The following HSPG2 variants were observed in gnomAD, a reference collection of about 807,000 sequenced individuals.
HSPG2 encodes the protein basement membrane-specific heparan sulfate proteoglycan core protein.
Under a neutral mutation model 526.6 loss-of-function variants are expected in HSPG2, and 278 were observed. That is an observed-to-expected ratio of 0.53 (90% confidence interval 0.48 to 0.58). HSPG2 has a LOEUF of 0.58. Among genes scored for constraint, HSPG2 ranks in the 20% least tolerant of loss-of-function variants. HSPG2 has a pLI of 0.00. For missense variants in HSPG2, 5,354 were observed against 6,099.5 expected (o/e 0.88, Z 4.07); for synonymous variants, 2,465 against 2,555.4 (o/e 0.96, Z 1.07).
At chr1:21,853,928 C>T in intron 50 of HSPG2, 1 of 510,006 alleles carries the variant, frequency 2.0e-6, no homozygotes, top group Non-Finnish European at 3.6e-6. Flanking sequence ...ACCAGGTCAG[C>T]CGACTCCCAG....
At chr1:21,917,101 G>T (rs755773182) in intron 1 of HSPG2, among the ~76,000 whole-genome samples, 2 of 152,192 alleles carry the variant, frequency 1.3e-5, no homozygotes, top group Admixed American at 1.3e-4. Context: ...AGTTCTGACC[G>T]CCTGTTTACA....
Position 21,843,406 on chromosome 1 carries a change from C to A in HSPG2, c.8649G>T (p.Val2883=). Residue 2883 remains valine (V), a synonymous_variant, in exon 66 of 97, where the codon GTG becomes GTT. Transcript: ENST00000374695. Reference sequence around the variant, plus strand: ...AGTACTCGCCAGAGTCAGCCGGGGACACCTGGTTCAGCCTCAGCAGTGGGC... The same window carrying A: ...AGTACTCGCCAGAGTCAGCCGGGGAAACCTGGTTCAGCCTCAGCAGTGGGC... ...VHGPLLRLNQ[V]SPADSGEYSC... is the part of the protein sequence containing the mutation. The A allele has an allele frequency of 6.2e-7, 1 of 1,613,730 alleles. No homozygotes were observed. Among genetic ancestry groups the A allele is most frequent in the South Asian group, 1.1e-5 (1 of 90,976 alleles).
rs773412180 is a variant in HSPG2, at chr1:21,893,173, G to A, written c.245-2479C>T. 1.3e-5 allele frequency among the ~76,000 whole-genome samples: 2 copies of A among 152,208 alleles called. No homozygotes were observed. The highest frequency in any genetic ancestry group is 2.4e-5 in the African/African-American group (1 of 41,450). On this transcript the variant is annotated intron_variant, in intron 3 of 96. Transcript: ENST00000374695. This position sits in a 1 kb window ranked among gnomAD's most constrained non-coding sequence, Gnocchi z 4.3. ...CTCTCTGCAACACACCCAGGCCCCC[G>A]AACTCCAGCCCTGGGTCCCTGTGGG... is the stretch of plus-strand genomic sequence containing the variant.
rs1641747639 is a variant in HSPG2 at position 21,884,674 on chromosome 1, C to T, written c.1508G>A (p.Gly503Asp). The T allele has an allele frequency of 1.9e-6, 3 of 1,611,162 alleles. No homozygotes were observed. The African/African-American group carries it at 4.0e-5, about 22-fold the overall frequency. The change falls in exon 13 of 97, where the codon GGC becomes GAC. Residue 503 changes from glycine to aspartate, a missense_variant and splice_region_variant. Coordinates refer to ENST00000374695, the MANE Select transcript of HSPG2 (RefSeq NM_005529.7). ...DGVLELVPQR[G>D]PCPDGHFYLE... ...GTAGAAGTGGCCGTCAGGGCAGGGG[C>T]CTGCTGGGCGGCATGGGCGGGGGCT... is the stretch of plus-strand genomic sequence containing the variant.
At chr1:21,850,005 A>G (rs1638761559) in intron 57 of HSPG2, 36 bp downstream of exon 57, 4 of 1,611,306 alleles carry the variant, frequency 2.5e-6, no homozygotes, top group East Asian at 2.2e-5. Context: ...CTGCAGCTAC[A>G]GGGTCCTTCA....
rs75708327 is a variant in HSPG2 at position 21,895,418 on chromosome 1, G to A, written c.244+504C>T. Among the ~76,000 whole-genome samples the A allele has an allele frequency of 5.9e-5, 9 of 152,048 alleles. No homozygotes were observed. Among genetic ancestry groups the A allele is most frequent in the African/African-American group, 1.2e-4 (5 of 41,378 alleles). On this transcript the variant is annotated intron_variant, in intron 3 of 96. Coordinates refer to ENST00000374695, the MANE Select transcript of HSPG2 (RefSeq NM_005529.7). This position sits in a 1 kb window ranked among gnomAD's most constrained non-coding sequence, Gnocchi z 4.1. ...AGCTAGGAACCCTTGCTTCCCAGCCGATGACCCACCTTAAGGCAAGGTTCT... is the reference window on the plus strand; with the variant it reads ...AGCTAGGAACCCTTGCTTCCCAGCCAATGACCCACCTTAAGGCAAGGTTCT...
In HSPG2 at chr1:21,854,983, C is replaced by T. The variant is rs561851821; in HGVS notation, c.5998G>A (p.Ala2000Thr). ...RKEGGSLPPQ[A>T]RSERTDIATL... Reference sequence around the variant, plus strand: ...GCGATGTCTGTGCGCTCTGACCGGGCCTGCCGTGGGTGAGATGGGTCAGCT... The same window carrying T: ...GCGATGTCTGTGCGCTCTGACCGGGTCTGCCGTGGGTGAGATGGGTCAGCT... Residue 2000 changes from alanine (A) to threonine (T), a missense_variant and splice_region_variant, in exon 48 of 97, where the codon GCC becomes ACC. Physicochemically the swap from Ala to Thr is moderately conservative, Grantham distance 58 (BLOSUM62 0). Coordinates refer to ENST00000374695, the MANE Select transcript of HSPG2 (RefSeq NM_005529.7). The T allele has an allele frequency of 1.2e-6, 2 of 1,612,376 alleles. No individual in the cohort carries two copies. The highest frequency in any genetic ancestry group is 1.7e-6 in the Non-Finnish European group (2 of 1,179,986).
chr1:21,861,743 G>A lies in HSPG2; in HGVS notation c.4955+14C>T. On this transcript the variant is annotated intron_variant, in intron 39 of 96. Transcript: ENST00000374695. ...TGTCCTCCACCCTCCCCCTACTTCT[G>A]TTTACAAACTTACTGCTCACAGTAC... 1 of 1,613,064 alleles carries A rather than the reference G, an allele frequency of 6.2e-7. No individual in the cohort carries two copies. Among genetic ancestry groups the A allele is most frequent in the Non-Finnish European group, 8.5e-7 (1 of 1,179,124 alleles).
At position 21,895,292 on chromosome 1, in the gene HSPG2, G is replaced by GA. The variant is rs773239160; in HGVS notation, c.244+629dup. ...CTTCTCCACCCAGTATCCCAGAGTGGAAGGAAGCAGGGACTATAAGTCCCC... is the reference window on the plus strand; with the variant it reads ...CTTCTCCACCCAGTATCCCAGAGTGGAAAGGAAGCAGGGACTATAAGTCCCC... On this transcript the variant is annotated intron_variant, in intron 3 of 96. Transcript: ENST00000374695. The surrounding 1 kb of genome is among the most constrained non-coding windows in gnomAD (Gnocchi z 4.1). Among the ~76,000 whole-genome samples, 1 of 152,162 alleles carries GA rather than the reference G, an allele frequency of 6.6e-6. No homozygotes were observed. The highest frequency in any genetic ancestry group is 1.5e-5 in the Non-Finnish European group (1 of 68,008).
chr1:21,907,874 G>C (rs1643460027), intron 1 of HSPG2, among the ~76,000 whole-genome samples: 1 of 152,162 alleles, frequency 6.6e-6, no homozygotes, highest in Non-Finnish European at 1.5e-5. Flanking sequence ...TCAGCCCTTG[G>C]TTAGCTGTGA....
Position 21,824,201 on chromosome 1 carries a change from G to T in HSPG2, c.12819C>A (p.Tyr4273Ter). Residue 4273 changes from tyrosine (Y) to a stop codon, truncating the protein, a stop_gained, in exon 95 of 97, where the codon TAC becomes TAA. Transcript: ENST00000374695. LOFTEE classifies it high-confidence loss of function. This position sits in a 1 kb window ranked among gnomAD's most constrained non-coding sequence, Gnocchi z 5.9. ...GLQDGHLVFR[Y>*]QLGSGEARLV... The stretch of plus-strand genomic sequence containing the variant: ...GGCGGGCCTCCCCACTACCCAGCTG[G>T]TACCTGCAGTCATCCAGGCCCAAGA... The T allele has an allele frequency of 6.2e-7, 1 of 1,613,790 alleles. No individual in the cohort carries two copies. Among genetic ancestry groups the T allele is most frequent in the Non-Finnish European group, 8.5e-7 (1 of 1,179,998 alleles).
Position 21,839,861 on chromosome 1 carries a change from CCA to C in HSPG2, c.9668_9669del (p.Val3223GlyfsTer38). 6.2e-7 allele frequency: 1 copy of C among 1,614,100 alleles called. No homozygotes were observed. The highest frequency in any genetic ancestry group is 8.5e-7 in the Non-Finnish European group (1 of 1,180,024). On this transcript the variant is annotated frameshift_variant, in exon 72 of 97. Transcript: ENST00000374695. LOFTEE classifies it high-confidence loss of function. The surrounding 1 kb of genome is among the most constrained non-coding windows in gnomAD (Gnocchi z 4.5). ...QVQAEEAELTVEAGHTATLRC... is the reference protein window; with the variant it reads ...QVQAEEAELTXEAGHTATLRC... ...CGCAAGGTGGCCGTGTGTCCAGCCT[CCA>C]CAGTCAGCTCAGCTTCTTCAGCTTG...
rs548387956 is a variant in HSPG2 at position 21,857,393 on chromosome 1, G to C, written c.5294-8C>G. ...TGGGCTTGCTTGGAGCCTCTGCAGG[G>C]ACGGGAAGCCCCCCTGTGAGCCGGT... On this transcript the variant is annotated splice_region_variant and splice_polypyrimidine_tract_variant and intron_variant, in intron 42 of 96. Transcript: ENST00000374695. 2.8e-5 allele frequency: 45 copies of C among 1,612,656 alleles called. No homozygotes were observed. The highest frequency in any genetic ancestry group is 3.0e-5 in the Non-Finnish European group (35 of 1,179,504).
At chr1:21,825,404 T>C (rs1041240244) in intron 91 of HSPG2, among the ~76,000 whole-genome samples, 1 of 152,236 alleles carries the variant, frequency 6.6e-6, no homozygotes, top group South Asian at 2.1e-4. Flanking sequence ...AGTCCGGAGC[T>C]ACTGGGACCG....
chr1:21,837,428 G>A (rs1242756622), intron 74 of HSPG2, among the ~76,000 whole-genome samples: 1 of 151,428 alleles, frequency 6.6e-6, no homozygotes, highest in South Asian at 2.1e-4. Context: ...CTACAGGTGC[G>A]CCACCGTGCC....
chr1:21,922,970 G>A (rs1644084895), intron 1 of HSPG2, among the ~76,000 whole-genome samples: 1 of 151,714 alleles, frequency 6.6e-6, no homozygotes, highest in Non-Finnish European at 1.5e-5. Context: ...CCCCCACCCC[G>A]ACCCCAGAAG....
rs748259869 is a variant in HSPG2, at chr1:21,880,518, C to T, written c.2040G>A (p.Ala680=). 31 of 1,613,536 alleles carry T rather than the reference C, an allele frequency of 1.9e-5. No homozygotes were observed. The highest frequency in any genetic ancestry group is 4.5e-5 in the East Asian group (2 of 44,894). ...GGCTCTGCAGCACCTGCAGCAGCTC[C>T]GCGCGCTGCACCGGCCGGCCAGACT... is the stretch of plus-strand genomic sequence containing the variant. The part of the protein sequence containing the change: ...VHESGRPVQR[A]ELLQVLQSLE... Residue 680 remains alanine (A), a synonymous_variant, in exon 16 of 97, where the codon GCG becomes GCA. Transcript: ENST00000374695.
chr1:21,851,655 G>C lies in HSPG2; in HGVS notation c.7049C>G (p.Ser2350Trp). 1 of 1,613,926 alleles carries C rather than the reference G, an allele frequency of 6.2e-7. No individual in the cohort carries two copies. ...CAGGGTCTGCCCTTCCGCCACTTGC[G>C]AGGAGGAGGGCTCGATGCGGATGGG... Reference protein sequence around the residue: ...TQPIRIEPSSSQVAEGQTLDL... With the variant: ...TQPIRIEPSSWQVAEGQTLDL... The change falls in exon 55 of 97, where the codon TCG becomes TGG. Residue 2350 changes from serine to tryptophan, a missense_variant. Ser to Trp is a radical substitution (Grantham distance 177, BLOSUM62 -3). Coordinates refer to ENST00000374695, the MANE Select transcript of HSPG2 (RefSeq NM_005529.7).
In HSPG2 at chr1:21,865,377, C is replaced by T. The variant is rs1261813435; in HGVS notation, c.4315-12G>A. 1.2e-6 allele frequency: 2 copies of T among 1,613,776 alleles called. No individual in the cohort carries two copies. Among genetic ancestry groups the T allele is most frequent in the East Asian group, 2.2e-5 (1 of 44,866 alleles). On this transcript the variant is annotated splice_polypyrimidine_tract_variant and intron_variant, in intron 34 of 96. Coordinates refer to ENST00000374695, the MANE Select transcript of HSPG2 (RefSeq NM_005529.7). The surrounding 1 kb of genome is among the most constrained non-coding windows in gnomAD (Gnocchi z 5.4). ...ATGATGTTGTTGCCCTGGAAAGACA[C>T]CAGCAGGATTGGAAGGGGAGCCGAG...
Sources: allele counts gnomAD v4.1 joint callset (sites outside exome capture counted in the v4.1 genomes callset), GRCh38; gene constraint gnomAD v4.1.1; non-coding constraint Gnocchi (gnomAD v3.1); transcripts MANE v1.5; gene names NCBI Gene and HGNC (gene_info 2026-07-23, HGNC 2026-07-21).